The following MYO10 variants were observed in gnomAD, a reference collection of about 807,000 sequenced individuals.
MYO10 encodes myosin X.
MYO10 carries 133 observed loss-of-function variants against 257.3 expected under a neutral mutation model. That is an observed-to-expected ratio of 0.52 (90% CI 0.45 to 0.60). The LOEUF (loss-of-function observed/expected upper bound fraction) is 0.60, where lower values mean the gene tolerates loss of function less well. Ranked by LOEUF, MYO10 falls within the 20% of genes least tolerant of loss-of-function variation. The pLI, the probability that MYO10 is intolerant of heterozygous loss-of-function variation, is 0.00. For missense variants in MYO10, 2,399 were observed against 2,635.7 expected (o/e 0.91, Z 1.97); for synonymous variants, 1,104 against 1,028.6 (o/e 1.07, Z -1.40).
chr5:16,830,679 G>GCACACACACACACACACACTCACACA (rs1554000809), intron 2 of MYO10, among the ~76,000 whole-genome samples: 1 of 148,920 alleles, frequency 6.7e-6, no homozygotes, highest in African/African-American at 2.5e-5. Flanking sequence ...TTTTTAATAG[G>GCACACACACACACACACACTCACACA]CACACACACA....
intron 19 of MYO10, among the ~76,000 whole-genome samples, chr5:16,722,506 GT>G (rs10714237): frequency 0.77 from 116,530 of 152,008 alleles, 45,024 homozygotes; most frequent in East Asian, 0.82. Flanking sequence ...AAATGAAAAC[GT>G]TTTTTTGCTT....
chr5:16,792,132 C>CACAGAGAGAG (rs755315207), intron 4 of MYO10, among the ~76,000 whole-genome samples: 5 of 75,384 alleles, frequency 6.6e-5, no homozygotes, highest in Non-Finnish European at 1.5e-4. Context: ...CACACACACA[C>CACAGAGAGAG]AGAGAGAGAG....
chr5:16,848,296 T>A (rs1239276519), intron 2 of MYO10, among the ~76,000 whole-genome samples: 1 of 151,812 alleles, frequency 6.6e-6, no homozygotes, highest in Admixed American at 6.6e-5. Flanking sequence ...GTAGCTGAGA[T>A]TACAGACATG....
rs1396401325 is a variant in MYO10 at position 16,663,611 on chromosome 5, G to A, written c.*3081C>T. On this transcript the variant is annotated 3_prime_UTR_variant, in exon 41 of 41. Transcript: ENST00000513610. ...CATCCTAGCACTTTGGGAGGCTGAG[G>A]TGGAGGACTGCTTGAGCCCAGGAGG... is the stretch of plus-strand genomic sequence containing the variant. The A allele has an allele frequency of 6.6e-6, 1 of 152,038 alleles. No homozygotes were observed. Among genetic ancestry groups the A allele is most frequent in the Non-Finnish European group, 1.5e-5 (1 of 68,054 alleles). The allele number at this position is 152,038 out of a possible 1,614,324, so 9.4% of individuals were successfully genotyped here.
At chr5:16,754,123 G>C (rs1740461494) in intron 19 of MYO10, among the ~76,000 whole-genome samples, 1 of 152,014 alleles carries the variant, frequency 6.6e-6, no homozygotes, top group Admixed American at 6.6e-5. Context: ...ATTCCTAAGA[G>C]GCTGTTTGCT....
intron 2 of MYO10, among the ~76,000 whole-genome samples, chr5:16,825,946 G>A (rs1742986750): frequency 6.6e-6 from 1 of 152,134 alleles, no homozygotes; most frequent in Non-Finnish European, 1.5e-5. Flanking sequence ...TCAGGAGATC[G>A]AGACCAGCCT....
chr5:16,683,655 C>CG (rs1737109685), intron 30 of MYO10, among the ~76,000 whole-genome samples: 1 of 152,126 alleles, frequency 6.6e-6, no homozygotes, highest in African/African-American at 2.4e-5. Context: ...CAGGTTCCCA[C>CG]GGTTTTCCCC....
chr5:16,748,493 C>CCCCA (rs1201850129), intron 19 of MYO10, among the ~76,000 whole-genome samples: 1 of 150,304 alleles, frequency 6.7e-6, no homozygotes, highest in African/African-American at 2.5e-5. Flanking sequence ...GATCCGCGCC[C>CCCCA]CCCCGCCCCC....
intron 2 of MYO10, among the ~76,000 whole-genome samples, chr5:16,844,712 T>C (rs1158985197): frequency 6.6e-6 from 1 of 152,078 alleles, no homozygotes; most frequent in East Asian, 1.9e-4. Context: ...AACTATAGAA[T>C]TAGCTGAAAG....
chr5:16,840,411 CTGAATGAATGAA>C (rs58976150), intron 2 of MYO10, among the ~76,000 whole-genome samples: 51 of 137,192 alleles, frequency 3.7e-4, no homozygotes, highest in East Asian at 1.5e-3. Context: ...CACTCCATCT[CTGAATGAATGAA>C]TGAATGAATG....
chr5:16,893,714 T>C (rs753906380), intron 1 of MYO10, among the ~76,000 whole-genome samples: 19 of 151,752 alleles, frequency 1.3e-4, no homozygotes, highest in South Asian at 4.2e-4. Context: ...ACACCTCCTG[T>C]TGGGTTCAAC....
intron 1 of MYO10, among the ~76,000 whole-genome samples, chr5:16,920,141 G>C (rs1745941577): frequency 6.6e-6 from 1 of 150,578 alleles, no homozygotes; most frequent in South Asian, 2.1e-4. Context: ...GGGCTTGGTG[G>C]CACATGCCTG....
chr5:16,780,392 G>A (rs1741386834), intron 8 of MYO10, 132 bp downstream of exon 8: 1 of 824,272 alleles, frequency 1.2e-6, no homozygotes, highest in Non-Finnish European at 1.9e-6. Flanking sequence ...TCTTTTTGGT[G>A]TTCGCATAGT....
At chr5:16,815,912 C>G (rs1054544446) in intron 3 of MYO10, among the ~76,000 whole-genome samples, 1 of 29,274 alleles carries the variant, frequency 3.4e-5, no homozygotes, top group Non-Finnish European at 2.3e-4. Flanking sequence ...ATATTTTAAT[C>G]TAAAGACAGG....
intron 1 of MYO10, among the ~76,000 whole-genome samples, chr5:16,906,924 T>C (rs893629335): frequency 1.3e-5 from 2 of 151,952 alleles, no homozygotes; most frequent in African/African-American, 4.8e-5. Context: ...CCATCCTGGC[T>C]AACACGATGA....
chr5:16,789,566 T>C (rs2126676672), intron 4 of MYO10, among the ~76,000 whole-genome samples: 1 of 152,170 alleles, frequency 6.6e-6, no homozygotes, highest in Non-Finnish European at 1.5e-5. Flanking sequence ...GGCAGGCAGA[T>C]CATTTGAGGT....
At chr5:16,717,512 C>G (rs565655854) in intron 19 of MYO10, among the ~76,000 whole-genome samples, 1 of 152,144 alleles carries the variant, frequency 6.6e-6, no homozygotes, top group African/African-American at 2.4e-5. Flanking sequence ...TTAAGGGCCA[C>G]GACCACATCG....
chr5:16,715,392 A>ATTTTTTTTTTTTTTTTTTT (rs372307063), intron 19 of MYO10, among the ~76,000 whole-genome samples: 4 of 84,340 alleles, frequency 4.7e-5, no homozygotes, highest in African/African-American at 9.3e-5. Context: ...TAAGATTGAA[A>ATTTTTTTTTTTTTTTTTTT]TTTTTTTTTT....
chr5:16,671,798 A>G (rs1736477548), intron 37 of MYO10, among the ~76,000 whole-genome samples: 1 of 152,236 alleles, frequency 6.6e-6, no homozygotes, highest in African/African-American at 2.4e-5. Flanking sequence ...CCGCATTCGA[A>G]TTAGTACCAG....
Sources: gnomAD v4.1 joint callset for allele counts (sites outside exome capture counted in the v4.1 genomes callset) on GRCh38, gnomAD v4.1.1 for gene constraint, MANE v1.5 for transcripts, NCBI Gene and HGNC (gene_info 2026-07-23, HGNC 2026-07-21) for gene names.